The following SVOP variants were observed in gnomAD, a reference collection of about 807,000 sequenced individuals.
SVOP encodes SV2 related protein.
A neutral mutation model predicts 69.1 loss-of-function variants in SVOP; 17 were observed. The ratio of observed to expected loss-of-function variants is 0.25; its 90% confidence interval spans 0.17 to 0.37. The LOEUF (loss-of-function observed/expected upper bound fraction) is 0.37. Among genes scored for constraint, SVOP ranks in the 10% least tolerant of loss-of-function variants. SVOP has a pLI of 1.00. For missense variants in SVOP, 435 were observed against 597.5 expected (o/e 0.73, Z 2.84); for synonymous variants, 238 against 238.6 (o/e 1.00, Z 0.02).
At chr12:108,956,289 G>A (rs1469980709) in intron 6 of SVOP, among the ~76,000 whole-genome samples, 6 of 132,270 alleles carry the variant, frequency 4.5e-5, no homozygotes, top group African/African-American at 1.4e-4. Context: ...GCGACAGAGC[G>A]AGATTCCGTC....
At position 109,019,905 on chromosome 12, in the gene SVOP, G is replaced by T. The variant is rs375651076; in HGVS notation, c.35+929C>A. Reference sequence around the variant, plus strand: ...AATAATCCACCATTTTTAAAATCAAGAAAATACACACACACTAACTATAAT... The same window carrying T: ...AATAATCCACCATTTTTAAAATCAATAAAATACACACACACTAACTATAAT... On this transcript the variant is annotated intron_variant, in intron 1 of 15. Coordinates refer to ENST00000610966, the MANE Select transcript of SVOP (RefSeq NM_018711.5). Among the ~76,000 whole-genome samples, 66 of 152,130 alleles carry T rather than the reference G, an allele frequency of 4.3e-4. 3 individuals carry two copies. In the South Asian group the frequency reaches 0.013, roughly 30 times the overall value.
rs1412327714 is a variant in SVOP, at chr12:108,972,433, T to C, written c.425A>G (p.Asn142Ser). The C allele has an allele frequency of 2.6e-6, 4 of 1,537,190 alleles. No homozygotes were observed. Among genetic ancestry groups the C allele is most frequent in the Non-Finnish European group, 3.5e-6 (4 of 1,146,900 alleles). Reference sequence around the variant, plus strand: ...TTTCCTGCCGTACTGGTCTGAGATATTTCCCCAGAGCGTGGAGCTGGACAT... The same window carrying C: ...TTTCCTGCCGTACTGGTCTGAGATACTTCCCCAGAGCGTGGAGCTGGACAT... Reference protein sequence around the residue: ...GMMSSSTLWGNISDQYGRKTG... With the variant: ...GMMSSSTLWGSISDQYGRKTG... Residue 142 changes from asparagine (N) to serine (S), a missense_variant, in exon 5 of 16, where the codon AAT becomes AGT. Transcript: ENST00000610966.
Position 108,912,525 on chromosome 12 carries a change from C to T in SVOP, c.*10G>A. On this transcript the variant is annotated 3_prime_UTR_variant, in exon 16 of 16. Transcript: ENST00000610966. ...CAGCCTCAAAGACCAGCTCAGTCCC[C>T]CATCGGTCACTATTCCTGAGAGCCA... The T allele has an allele frequency of 6.2e-7, 1 of 1,613,812 alleles. No individual in the cohort carries two copies. The highest frequency in any genetic ancestry group is 8.5e-7 in the Non-Finnish European group (1 of 1,179,710).
At chr12:109,014,584 A>T (rs1161078730) in intron 1 of SVOP, among the ~76,000 whole-genome samples, 1 of 152,110 alleles carries the variant, frequency 6.6e-6, no homozygotes, top group Non-Finnish European at 1.5e-5. Flanking sequence ...GTCACATGGC[A>T]TTATTTTTAT....
At position 108,982,113 on chromosome 12, in the gene SVOP, C is replaced by T. The variant is rs899227533; in HGVS notation, c.196+1488G>A. Among the ~76,000 whole-genome samples the T allele has an allele frequency of 2.0e-5, 3 of 151,796 alleles. No homozygotes were observed. The East Asian group carries it at 5.8e-4, about 29-fold the overall frequency. ...CTATCATCATCATCACCATCGTAAC[C>T]ACCATCTTCATCATCATCATCACTA... On this transcript the variant is annotated intron_variant, in intron 2 of 15. Coordinates refer to ENST00000610966, the MANE Select transcript of SVOP (RefSeq NM_018711.5).
Position 108,910,806 on chromosome 12 carries a change from G to A in SVOP, c.*1729C>T, listed in dbSNP as rs1267217238. The stretch of plus-strand genomic sequence containing the variant: ...ACACTAAAGCATTGAGATGAATTCC[G>A]ATGAACAAAGGTAGTCAGACCGTTA... On this transcript the variant is annotated 3_prime_UTR_variant, in exon 16 of 16. Coordinates refer to ENST00000610966, the MANE Select transcript of SVOP (RefSeq NM_018711.5). The A allele has an allele frequency of 6.6e-6, 1 of 152,226 alleles. No individual in the cohort carries two copies. Among genetic ancestry groups the A allele is most frequent in the Non-Finnish European group, 1.5e-5 (1 of 68,048 alleles). 9.4% of individuals were successfully genotyped at this position (152,226 alleles called of 1,614,324 possible). A position where few individuals can be genotyped will look rare whatever the true frequency, so the allele number is the denominator to read the frequency against.
chr12:108,996,674 T>C (rs185014329), intron 1 of SVOP, among the ~76,000 whole-genome samples: 20 of 152,308 alleles, frequency 1.3e-4, no homozygotes, highest in Non-Finnish European at 2.2e-4. Flanking sequence ...CTCATACCTA[T>C]AATTCTAGCA....
chr12:108,988,912 A>G (rs1035926600), intron 1 of SVOP, among the ~76,000 whole-genome samples: 5 of 151,824 alleles, frequency 3.3e-5, no homozygotes, highest in African/African-American at 9.7e-5. Flanking sequence ...AGCTGGGACT[A>G]CAGGCGCATG....
chr12:108,917,195 ACT>A (rs1305546147), intron 14 of SVOP, among the ~76,000 whole-genome samples: 1 of 151,970 alleles, frequency 6.6e-6, no homozygotes, highest in East Asian at 1.9e-4. Flanking sequence ...AAAATATAAA[ACT>A]CATTCAGGAT....
At chr12:108,943,872 CTCTTCT>C (rs201280387) in intron 7 of SVOP, among the ~76,000 whole-genome samples, 35 of 149,136 alleles carry the variant, frequency 2.3e-4, no homozygotes, top group East Asian at 4.0e-4. Context: ...CTTCCTCTTC[CTCTTCT>C]TCTTCTTCTT....
At chr12:108,970,676 T>G (rs1042539693) in intron 5 of SVOP, among the ~76,000 whole-genome samples, 1 of 152,102 alleles carries the variant, frequency 6.6e-6, no homozygotes, top group African/African-American at 2.4e-5. Context: ...AATGCTACAC[T>G]CGGAATTTCA....
intron 1 of SVOP, among the ~76,000 whole-genome samples, chr12:109,000,278 G>A (rs1197532780): frequency 2.0e-5 from 3 of 149,502 alleles, no homozygotes; most frequent in Admixed American, 1.3e-4. Flanking sequence ...TTGAATCTCT[G>A]AATAGACCAA....
intron 4 of SVOP, among the ~76,000 whole-genome samples, chr12:108,976,380 G>A (rs1251075873): frequency 3.3e-5 from 5 of 152,144 alleles, no homozygotes; most frequent in Non-Finnish European, 7.3e-5. Context: ...CATCACTGAT[G>A]CAGATCACAG....
Position 108,915,867 on chromosome 12 carries a change from G to A in SVOP, c.1356C>T (p.Tyr452=). ...QAAYVYTPEV[Y]PTATRALGLG... is the part of the protein sequence containing the mutation. ...GGCCGAGGGCCCGCGTTGCCGTGGG[G>A]TAGACCTGAAACACAGCAGCCGGAT... is the stretch of plus-strand genomic sequence containing the variant. Residue 452 remains tyrosine, a synonymous_variant, in exon 15 of 16, where the codon TAC becomes TAT. Transcript: ENST00000610966. 9 of 1,603,238 alleles carry A rather than the reference G, an allele frequency of 5.6e-6. No individual in the cohort carries two copies. The highest frequency in any genetic ancestry group is 6.8e-6 in the Non-Finnish European group (8 of 1,175,166).
intron 10 of SVOP, among the ~76,000 whole-genome samples, chr12:108,936,265 G>A (rs1447583008): frequency 1.3e-5 from 2 of 152,072 alleles, no homozygotes; most frequent in Non-Finnish European, 2.9e-5. Context: ...GGCTGATCTC[G>A]AACTCCTGAC....
At chr12:109,014,793 C>T (rs552917829) in intron 1 of SVOP, among the ~76,000 whole-genome samples, 17 of 152,246 alleles carry the variant, frequency 1.1e-4, no homozygotes, top group African/African-American at 4.1e-4. Context: ...ACATTCATAG[C>T]TCACTGCAGC....
At chr12:108,994,363 A>T (rs2135612223) in intron 1 of SVOP, among the ~76,000 whole-genome samples, 1 of 152,208 alleles carries the variant, frequency 6.6e-6, no homozygotes, top group Non-Finnish European at 1.5e-5. Context: ...GCCTGGTGGC[A>T]TGCACCTGTA....
chr12:108,936,165 C>G (rs1490660078), intron 10 of SVOP, among the ~76,000 whole-genome samples: 1 of 152,036 alleles, frequency 6.6e-6, no homozygotes, highest in Non-Finnish European at 1.5e-5. Context: ...CATCCCCCAG[C>G]CTCCCAAGTA....
intron 5 of SVOP, among the ~76,000 whole-genome samples, chr12:108,962,192 G>T (rs972360649): frequency 6.6e-6 from 1 of 152,072 alleles, no homozygotes; most frequent in Admixed American, 6.6e-5. Flanking sequence ...TCAACCTCCC[G>T]GGCTCAAGTG....
Sources: gnomAD v4.1 joint callset for allele counts (sites outside exome capture counted in the v4.1 genomes callset) on GRCh38, gnomAD v4.1.1 for gene constraint, MANE v1.5 for transcripts, NCBI Gene and HGNC (gene_info 2026-07-23, HGNC 2026-07-21) for gene names.